Variants in SETD5 observed in about 807,000 individuals in gnomAD.
SETD5 encodes the protein histone-lysine N-methyltransferase SETD5.
A neutral mutation model predicts 153.3 loss-of-function variants in SETD5; 44 were observed. The ratio of observed to expected loss-of-function variants is 0.29; its 90% CI spans 0.23 to 0.37. The LOEUF (loss-of-function observed/expected upper bound fraction) is 0.37. Ranked by LOEUF, SETD5 falls within the 10% of genes least tolerant of loss-of-function variation. The pLI is 1.00. For synonymous variants in SETD5, 716 were observed against 645.2 expected (o/e 1.11, Z -1.66); for missense variants, 1,544 against 1,768.0 (o/e 0.87, Z 2.27).
At chr3:9,445,453 G>C in intron 12 of SETD5, 153 bp downstream of exon 12, 2 of 988,274 alleles carry the variant, frequency 2.0e-6, no homozygotes, top group East Asian at 5.2e-5. Flanking sequence ...ATTTCTTTCT[G>C]TTTTACAAAG....
chr3:9,409,392 T>A (rs2036211679), intron 1 of SETD5, among the ~76,000 whole-genome samples: 1 of 152,198 alleles, frequency 6.6e-6, no homozygotes, highest in South Asian at 2.1e-4. Context: ...AAGACGTGAA[T>A]GAAGTATTAT....
At chr3:9,418,941 C>G (rs1039143555) in intron 1 of SETD5, among the ~76,000 whole-genome samples, 1 of 152,092 alleles carries the variant, frequency 6.6e-6, no homozygotes, top group Admixed American at 6.5e-5. Flanking sequence ...ATTCTCCTGC[C>G]TCAGCCTCCC....
intron 3 of SETD5, chr3:9,429,944 A>T (rs1559390238): frequency 7.7e-7 from 1 of 1,299,974 alleles, no homozygotes; most frequent in East Asian, 5.6e-5. Context: ...AGCCAAGTCT[A>T]TTCCAGGCAG....
Position 9,476,166 on chromosome 3 carries a change from C to T in SETD5, c.*75C>T, listed in dbSNP as rs750636537. The T allele has an allele frequency of 2.8e-5, 43 of 1,518,576 alleles. No individual in the cohort carries two copies. The highest frequency in any genetic ancestry group is 1.7e-4 in the Middle Eastern group (1 of 5,746). 94.1% of individuals were successfully genotyped at this position (1,518,576 alleles called of 1,614,324 possible). On this transcript the variant is annotated 3_prime_UTR_variant, in exon 23 of 23. Coordinates refer to ENST00000402198, the MANE Select transcript of SETD5 (RefSeq NM_001080517.3). ...TTCCAGCTGCCTCTGGAACCTAGGCCGAGCATATTGCTGAGGAACGGGGGG... is the reference window on the plus strand; with the variant it reads ...TTCCAGCTGCCTCTGGAACCTAGGCTGAGCATATTGCTGAGGAACGGGGGG...
At chr3:9,426,683 G>T (rs1014225658) in intron 2 of SETD5, among the ~76,000 whole-genome samples, 2 of 151,782 alleles carry the variant, frequency 1.3e-5, no homozygotes, top group African/African-American at 2.4e-5. Context: ...GTGAGCCACC[G>T]CGCCTGGCGC....
intron 19 of SETD5, among the ~76,000 whole-genome samples, 184 bp from the exon 20 acceptor site, chr3:9,473,052 G>C (rs987147596): frequency 6.6e-6 from 1 of 152,120 alleles, no homozygotes; most frequent in South Asian, 2.1e-4. Context: ...TAAATATGTA[G>C]CTGTGCTCAG....
At chr3:9,459,949 CTAGT>C (rs755209519) in intron 17 of SETD5, among the ~76,000 whole-genome samples, 4 of 151,882 alleles carry the variant, frequency 2.6e-5, no homozygotes, top group South Asian at 4.2e-4. Context: ...ATCATGAAAA[CTAGT>C]TAAACATCAA....
At position 9,464,555 on chromosome 3, in the gene SETD5, C is replaced by G. The variant is rs775828748; in HGVS notation, c.2607C>G (p.Ala869=). 4 of 1,613,954 alleles carry G rather than the reference C, an allele frequency of 2.5e-6. No homozygotes were observed. Among genetic ancestry groups the G allele is most frequent in the Non-Finnish European group, 2.5e-6 (3 of 1,179,882 alleles). The change falls in exon 18 of 23, where the codon GCC becomes GCG. Residue 869 remains alanine (A), a synonymous_variant. Coordinates refer to ENST00000402198, the MANE Select transcript of SETD5 (RefSeq NM_001080517.3). The part of the protein sequence containing the change: ...PNSGSKSPQL[A]TPGSSHPGEE... Reference sequence around the variant, plus strand: ...CAGGCTCAAAGAGTCCCCAGCTGGCCACACCTGGCTCATCTCACCCAGGAG... The same window carrying G: ...CAGGCTCAAAGAGTCCCCAGCTGGCGACACCTGGCTCATCTCACCCAGGAG...
intron 1 of SETD5, among the ~76,000 whole-genome samples, chr3:9,421,496 A>C (rs552941685): frequency 6.6e-6 from 1 of 152,264 alleles, no homozygotes; most frequent in African/African-American, 2.4e-5. Context: ...GCTGTTTGTC[A>C]TGGTACAGCT....
chr3:9,400,320 T>G (rs1371262370), intron 1 of SETD5, among the ~76,000 whole-genome samples: 3 of 152,216 alleles, frequency 2.0e-5, no homozygotes, highest in African/African-American at 7.2e-5. Flanking sequence ...AGTTTTAATT[T>G]TTCAATCAGT....
In SETD5 at chr3:9,445,037, C is replaced by G. The variant is rs1559424487; in HGVS notation, c.1188-11C>G. 1 of 1,610,160 alleles carries G rather than the reference C, an allele frequency of 6.2e-7. No homozygotes were observed. On this transcript the variant is annotated splice_polypyrimidine_tract_variant and intron_variant, in intron 11 of 22. Transcript: ENST00000402198. ...ACTGAGACAGGCATTTTGGTTGTTT[C>G]TTTGGAGCAGTAATTATAAAGTGGA...
chr3:9,459,528 T>C (rs1663026033), intron 17 of SETD5, among the ~76,000 whole-genome samples: 1 of 151,640 alleles, frequency 6.6e-6, no homozygotes, highest in Admixed American at 6.6e-5. Flanking sequence ...CCCAGCACTT[T>C]GGGAGGCCGA....
chr3:9,413,613 T>C (rs906039273), intron 1 of SETD5, among the ~76,000 whole-genome samples: 1 of 150,732 alleles, frequency 6.6e-6, no homozygotes, highest in East Asian at 1.9e-4. Flanking sequence ...TGGGAGTAAT[T>C]TGTAAATTCT....
At chr3:9,441,520 A>C (rs2041293988) in intron 8 of SETD5, 73 bp from the exon 9 acceptor site, 1 of 1,372,352 alleles carries the variant, frequency 7.3e-7, no homozygotes, top group Non-Finnish European at 1.0e-6. Context: ...GTTTTCCTTA[A>C]TTATGAAGTA....
intron 20 of SETD5, 31 bp downstream of exon 20, chr3:9,473,568 A>T: frequency 3.0e-6 from 4 of 1,348,994 alleles, no homozygotes; most frequent in Non-Finnish European, 3.0e-6. Flanking sequence ...TTATAGTTAA[A>T]TTGGGGGTGG....
chr3:9,466,603 C>G (rs769384801), intron 18 of SETD5, among the ~76,000 whole-genome samples: 4 of 152,088 alleles, frequency 2.6e-5, no homozygotes, highest in Non-Finnish European at 4.4e-5. Flanking sequence ...ATTTCACCAC[C>G]CTGACCCATT....
chr3:9,461,192 T>A (rs941346688), intron 17 of SETD5, among the ~76,000 whole-genome samples: 4 of 152,094 alleles, frequency 2.6e-5, no homozygotes, highest in Admixed American at 6.5e-5. Flanking sequence ...TACACATATA[T>A]AGATATTCTT....
chr3:9,446,306 A>C (rs2454515), intron 13 of SETD5, among the ~76,000 whole-genome samples: 9,320 of 119,922 alleles, frequency 0.078, 1,014 homozygotes, highest in African/African-American at 0.14. Context: ...AAAAAAAAAA[A>C]AATCTGGTTT....
intron 1 of SETD5, among the ~76,000 whole-genome samples, chr3:9,408,666 A>G (rs936463155): frequency 5.9e-5 from 9 of 152,196 alleles, no homozygotes; most frequent in African/African-American, 2.2e-4. Context: ...GATTGTAAGC[A>G]TATTTTATAA....
Sources: allele counts gnomAD v4.1 joint callset (sites outside exome capture counted in the v4.1 genomes callset), GRCh38; gene constraint gnomAD v4.1.1; transcripts MANE v1.5; gene names NCBI Gene and HGNC (gene_info 2026-07-23, HGNC 2026-07-21).